CSRNP1: variants seen among roughly 807,000 people sequenced by gnomAD.
CSRNP1 encodes cysteine/serine-rich nuclear protein 1.
CSRNP1 carries 8 observed loss-of-function variants against 25.0 expected under a neutral mutation model. The ratio of observed to expected loss-of-function variants is 0.32; its 90% CI spans 0.19 to 0.58. The LOEUF (loss-of-function observed/expected upper bound fraction) is 0.58, where lower values mean the gene tolerates loss of function less well. Among genes scored for constraint, CSRNP1 ranks in the 20% least tolerant of loss-of-function variants. The pLI is 0.88. For missense variants in CSRNP1, 691 were observed against 773.1 expected (o/e 0.89, Z 1.26); for synonymous variants, 305 against 303.1 (o/e 1.01, Z -0.06).
intron 1 of CSRNP1, among the ~76,000 whole-genome samples, chr3:39,147,562 CTCTT>C (rs994228270): frequency 2.0e-5 from 3 of 152,236 alleles, no homozygotes; most frequent in Admixed American, 2.0e-4. Context: ...CTAAGGCTGT[CTCTT>C]TAACATCTCA....
chr3:39,145,186 G>T lies in CSRNP1; in HGVS notation c.276C>A (p.Phe92Leu). The change falls in exon 3 of 5, where the codon TTC becomes TTA. Residue 92 changes from phenylalanine to leucine, a missense_variant. Physicochemically the swap from Phe to Leu is conservative, Grantham distance 22. Coordinates refer to ENST00000273153, the MANE Select transcript of CSRNP1 (RefSeq NM_033027.4). ...GRVAFDGITVFYFPRCQGFTS... is the reference protein window; with the variant it reads ...GRVAFDGITVLYFPRCQGFTS... ...TGAAGCCCTGGCAGCGGGGGAAGTA[G>T]AAGACGGTGATCCCATCAAAGGCTA... 6.2e-7 allele frequency: 1 copy of T among 1,614,208 alleles called. No homozygotes were observed. The highest frequency in any genetic ancestry group is 2.2e-5 in the East Asian group (1 of 44,890).
chr3:39,143,567 GGTT>G lies in CSRNP1; in HGVS notation c.1255_1257del (p.Asn419del). On this transcript the variant is annotated inframe_deletion, in exon 5 of 5. Transcript: ENST00000273153. ...ATGTCAGCTGGATGGAAGCAGCTGA[GGTT>G]GTCCAGGTTCCCCACGCTCCCTTCC... 6.2e-7 allele frequency: 1 copy of G among 1,614,220 alleles called. No homozygotes were observed. The highest frequency in any genetic ancestry group is 1.1e-5 in the South Asian group (1 of 91,088).
At chr3:39,149,269 C>T (rs988854316) in intron 1 of CSRNP1, 3 of 152,136 alleles carry the variant, frequency 2.0e-5, no homozygotes, top group South Asian at 2.1e-4. Context: ...TAAGTCAGAG[C>T]AGTGGTTCCC....
Position 39,146,502 on chromosome 3 carries a change from A to T in CSRNP1, c.181T>A (p.Phe61Ile). ...WDQMPLPDRD[F>I]CGPRSFTPLS... ...CGGGTGAAACTTCTGGGGCCGCAGAAGTCACGGTCAGGCAGGGGCATCTGA... is the reference window on the plus strand; with the variant it reads ...CGGGTGAAACTTCTGGGGCCGCAGATGTCACGGTCAGGCAGGGGCATCTGA... Residue 61 changes from phenylalanine to isoleucine, a missense_variant, in exon 2 of 5, where the codon TTC (phenylalanine) becomes ATC (isoleucine). Physicochemically the swap from Phe to Ile is conservative, Grantham distance 21. Transcript: ENST00000273153. 2 of 1,548,844 alleles carry T rather than the reference A, an allele frequency of 1.3e-6. No homozygotes were observed. Among genetic ancestry groups the T allele is most frequent in the South Asian group, 2.4e-5 (2 of 83,896 alleles).
chr3:39,144,935 C>A (rs967733230), intron 3 of CSRNP1, 62 bp downstream of exon 3: 2 of 1,532,388 alleles, frequency 1.3e-6, no homozygotes, highest in Non-Finnish European at 8.8e-7. Flanking sequence ...TACGCCCACC[C>A]CTCAAGGTTA....
chr3:39,145,392 T>C, intron 2 of CSRNP1, 136 bp from the exon 3 acceptor site: 2 of 1,148,990 alleles, frequency 1.7e-6, no homozygotes, highest in Non-Finnish European at 2.4e-6. Flanking sequence ...AAAAAAGAAA[T>C]GTGAATTTAG....
rs780011728 is a variant in CSRNP1 at position 39,143,279 on chromosome 3, G to T, written c.1546C>A (p.Leu516Met). 3 of 1,614,226 alleles carry T rather than the reference G, an allele frequency of 1.9e-6. No homozygotes were observed. In the South Asian group the frequency reaches 3.3e-5, roughly 18 times the overall value. ...TTCTGTGATGTGTAGTGAGGCCCCA[G>T]ACTATAATCTGGCAGAGCCTGGAGT... ...ELLQALPDYS[L>M]GPHYTSQKVS... Residue 516 changes from leucine (L) to methionine (M), a missense_variant, in exon 5 of 5, where the codon CTG (leucine) becomes ATG (methionine). Coordinates refer to ENST00000273153, the MANE Select transcript of CSRNP1 (RefSeq NM_033027.4).
intron 1 of CSRNP1, among the ~76,000 whole-genome samples, chr3:39,147,023 C>T (rs2039522230): frequency 1.5e-5 from 2 of 135,810 alleles, no homozygotes; most frequent in African/African-American, 5.7e-5. Context: ...CCTCCTACAA[C>T]ACACACTTAC....
rs140326441 is a variant in CSRNP1, at chr3:39,144,113, C to T, written c.780+24G>A. 7.4e-5 allele frequency: 119 copies of T among 1,608,860 alleles called. No individual in the cohort carries two copies. The African/African-American group carries it at 1.4e-3, about 19-fold the overall frequency. ...CAAAGAAGTCCCCACGCTCAGGATCCCCATCCCAGTCCAGCCACCACACCT... is the reference window on the plus strand; with the variant it reads ...CAAAGAAGTCCCCACGCTCAGGATCTCCATCCCAGTCCAGCCACCACACCT... On this transcript the variant is annotated intron_variant, in intron 4 of 4. Transcript: ENST00000273153.
At chr3:39,150,501 C>G (rs2039565360) in intron 1 of CSRNP1, 1 of 152,280 alleles carries the variant, frequency 6.6e-6, no homozygotes, top group African/African-American at 2.4e-5. Flanking sequence ...GCTCCTGTCA[C>G]AGTTAATTTA....
intron 1 of CSRNP1, chr3:39,149,518 T>G (rs2039556404): frequency 6.6e-6 from 1 of 152,254 alleles, no homozygotes; most frequent in Admixed American, 6.5e-5. Flanking sequence ...GTCCCCACAG[T>G]GGCCACCCCA....
chr3:39,153,716 C>T (rs994455784), upstream of CSRNP1: 9 of 151,736 alleles, frequency 5.9e-5, no homozygotes, highest in African/African-American at 2.2e-4. Context: ...GAGGCGCCGC[C>T]TCCTCCCCCG....
chr3:39,143,984 G>T lies in CSRNP1; in HGVS notation c.841C>A (p.Arg281Ser). ...CREGCENPMG[R>S]VEFNQARVQT... ...ACTCTTGCCTGATTAAATTCCACAC[G>T]GCCCATGGGGTTCTCACAGCCCTCC... Residue 281 changes from arginine to serine, a missense_variant, in exon 5 of 5, where the codon CGT (arginine) becomes AGT (serine). Coordinates refer to ENST00000273153, the MANE Select transcript of CSRNP1 (RefSeq NM_033027.4). The T allele has an allele frequency of 6.2e-7, 1 of 1,613,888 alleles. No individual in the cohort carries two copies.
chr3:39,143,766 A>C lies in CSRNP1; in HGVS notation c.1059T>G (p.Thr353=), dbSNP rs1488257551. ...CTGATGAAGATGCTGTAGAAGAATCAGTCATGTCGCTGCTGCAGCTGTTGT... is the reference window on the plus strand; with the variant it reads ...CTGATGAAGATGCTGTAGAAGAATCCGTCATGTCGCTGCTGCAGCTGTTGT... ...LGDNSCSSDM[T]DSSTASSSAS... The change falls in exon 5 of 5, where the codon ACT becomes ACG. Residue 353 remains threonine, a synonymous_variant. Coordinates refer to ENST00000273153, the MANE Select transcript of CSRNP1 (RefSeq NM_033027.4). 6.2e-7 allele frequency: 1 copy of C among 1,614,098 alleles called. No individual in the cohort carries two copies. Among genetic ancestry groups the C allele is most frequent in the South Asian group, 1.1e-5 (1 of 91,086 alleles).
chr3:39,144,942 G>T, intron 3 of CSRNP1, 55 bp downstream of exon 3: 4 of 1,547,974 alleles, frequency 2.6e-6, no homozygotes, highest in Non-Finnish European at 3.5e-6. Context: ...ACCCCTCAAG[G>T]TTAGGACTCC....
Position 39,142,809 on chromosome 3 carries a change from G to C in CSRNP1, c.*246C>G. 2.5e-6 allele frequency: 1 copy of C among 398,844 alleles called. No homozygotes were observed. The highest frequency in any genetic ancestry group is 4.5e-6 in the Non-Finnish European group (1 of 223,110). 24.7% of individuals were successfully genotyped at this position (398,844 alleles called of 1,614,324 possible). ...AGGCTCACGTTGTGGAGATAGAAGAGCAAGCTGTGGGTGTGGGGGGCCGGG... is the reference window on the plus strand; with the variant it reads ...AGGCTCACGTTGTGGAGATAGAAGACCAAGCTGTGGGTGTGGGGGGCCGGG... On this transcript the variant is annotated 3_prime_UTR_variant, in exon 5 of 5. Transcript: ENST00000273153.
In CSRNP1 at chr3:39,142,918, T is replaced by C; in HGVS notation, c.*137A>G. On this transcript the variant is annotated 3_prime_UTR_variant, in exon 5 of 5. Transcript: ENST00000273153. ...CAAATAAATAAATCCAGAGAATTGT[T>C]TGAAAACCAGGAGTGTGCACATGGC... 1 of 964,146 alleles carries C rather than the reference T, an allele frequency of 1.0e-6. No homozygotes were observed. The allele number at this position is 964,146 out of a possible 1,614,324, so 59.7% of individuals were successfully genotyped here. A position where few individuals can be genotyped will look rare whatever the true frequency, so the allele number is the denominator to read the frequency against.
In CSRNP1 at chr3:39,145,081, C is replaced by A. The variant is rs1430319021; in HGVS notation, c.381G>T (p.Glu127Asp). 6.2e-7 allele frequency: 1 copy of A among 1,614,276 alleles called. No homozygotes were observed. The highest frequency in any genetic ancestry group is 8.5e-7 in the Non-Finnish European group (1 of 1,180,050). ...HSACRRFSLAEFAQEQARARH... is the reference protein window; with the variant it reads ...HSACRRFSLADFAQEQARARH... The stretch of plus-strand genomic sequence containing the variant: ...GTGCACGGGCTTGCTCCTGCGCAAA[C>A]TCAGCCAAAGAGAAGCGACGGCAAG... The change falls in exon 3 of 5, where the codon GAG becomes GAT. Residue 127 changes from glutamate (E) to aspartate (D), a missense_variant. By Grantham distance (45) the Glu-to-Asp change is conservative. Coordinates refer to ENST00000273153, the MANE Select transcript of CSRNP1 (RefSeq NM_033027.4).
chr3:39,146,748 A>G (rs2039519512), intron 1 of CSRNP1, 26 bp from the exon 2 acceptor site: 1 of 1,530,508 alleles, frequency 6.5e-7, no homozygotes. Flanking sequence ...GAAGGCTCTA[A>G]GTGGCAGGCA....
Sources: allele counts gnomAD v4.1 joint callset (sites outside exome capture counted in the v4.1 genomes callset), GRCh38; gene constraint gnomAD v4.1.1; transcripts MANE v1.5; gene names NCBI Gene and HGNC (gene_info 2026-07-23, HGNC 2026-07-21).